The following KCNQ4 variants were observed in gnomAD, a reference collection of about 807,000 sequenced individuals.
KCNQ4 encodes potassium voltage-gated channel subfamily Q member 4.
KCNQ4 carries 31 observed loss-of-function variants against 72.6 expected under a neutral mutation model. The ratio of observed to expected loss-of-function variants is 0.43; its 90% CI spans 0.32 to 0.58. The LOEUF (loss-of-function observed/expected upper bound fraction) is 0.58, where lower values mean the gene tolerates loss of function less well. KCNQ4 is among the 20% of genes least tolerant of loss of function. The pLI is 0.08. For missense variants in KCNQ4, 869 were observed against 962.6 expected (o/e 0.90, Z 1.29); for synonymous variants, 405 against 403.7 (o/e 1.00, Z -0.04).
At chr1:40,800,903 G>T (rs748211366) in intron 1 of KCNQ4, among the ~76,000 whole-genome samples, 6 of 152,256 alleles carry the variant, frequency 3.9e-5, no homozygotes, top group Middle Eastern at 3.2e-3. Context: ...TGAGGTGGAA[G>T]AGAGACAGCC....
At chr1:40,811,222 A>G (rs4660467) in intron 1 of KCNQ4, among the ~76,000 whole-genome samples, 148,720 of 152,274 alleles carry the variant, frequency 0.98, 72,654 homozygotes, top group African/African-American at 0.99. Context: ...TCAGGTCACC[A>G]CATGAGAGCC....
intron 12 of KCNQ4, among the ~76,000 whole-genome samples, chr1:40,835,522 C>T (rs941120377): frequency 1.3e-5 from 2 of 152,222 alleles, no homozygotes; most frequent in African/African-American, 4.8e-5. Flanking sequence ...AGAATCCTCA[C>T]CCCAAGACCC....
In KCNQ4 at chr1:40,817,527, G is replaced by T. The variant is rs749739756; in HGVS notation, c.405+172G>T. On this transcript the variant is annotated intron_variant, in intron 2 of 13. Transcript: ENST00000347132. This position sits in a 1 kb window ranked among gnomAD's most constrained non-coding sequence, Gnocchi z 5.5. ...GGCTGGGAGTCCGGGACTGAGGGGGGCCGTGTGAGGTGGCACCTCTGGGCT... is the reference window on the plus strand; with the variant it reads ...GGCTGGGAGTCCGGGACTGAGGGGGTCCGTGTGAGGTGGCACCTCTGGGCT... 6.6e-6 allele frequency among the ~76,000 whole-genome samples: 1 copy of T among 152,086 alleles called. No individual in the cohort carries two copies. The highest frequency in any genetic ancestry group is 1.5e-5 in the Non-Finnish European group (1 of 68,012).
intron 8 of KCNQ4, 120 bp from the exon 9 acceptor site, chr1:40,823,977 C>A: frequency 1.7e-6 from 2 of 1,177,708 alleles, no homozygotes; most frequent in Non-Finnish European, 2.5e-6. Flanking sequence ...GCCGGGCTGT[C>A]AGTGAACACC....
intron 12 of KCNQ4, among the ~76,000 whole-genome samples, chr1:40,836,631 T>C (rs181910818): frequency 2.8e-4 from 42 of 152,082 alleles, no homozygotes; most frequent in African/African-American, 9.6e-4. Flanking sequence ...GTTGCAGAGA[T>C]AGAGGAGGAA....
chr1:40,799,593 C>T (rs1053383753), intron 1 of KCNQ4, among the ~76,000 whole-genome samples: 3 of 152,228 alleles, frequency 2.0e-5, no homozygotes, highest in South Asian at 2.1e-4. Flanking sequence ...GTCCAGCCCC[C>T]GGTCATGGCA....
intron 1 of KCNQ4, among the ~76,000 whole-genome samples, chr1:40,815,439 C>T (rs1648057618): frequency 6.6e-6 from 1 of 152,120 alleles, no homozygotes; most frequent in Admixed American, 6.5e-5. Context: ...GAGATAACCT[C>T]ATGAAGGACC....
chr1:40,798,430 C>T (rs1436019198), intron 1 of KCNQ4, among the ~76,000 whole-genome samples: 2 of 152,198 alleles, frequency 1.3e-5, no homozygotes, highest in Non-Finnish European at 2.9e-5. Flanking sequence ...TCCACAAAGC[C>T]GTTTTAGGCA....
At chr1:40,820,858 C>T (rs1373467445) in intron 7 of KCNQ4, among the ~76,000 whole-genome samples, 1 of 152,148 alleles carries the variant, frequency 6.6e-6, no homozygotes, top group Admixed American at 6.5e-5. Flanking sequence ...GGGCTGAGGC[C>T]AGGGCTCTGA....
chr1:40,784,498 C>T lies in KCNQ4; in HGVS notation c.314+91C>T, dbSNP rs1570793600. On this transcript the variant is annotated intron_variant, in intron 1 of 13. Coordinates refer to ENST00000347132, the MANE Select transcript of KCNQ4 (RefSeq NM_004700.4). The surrounding 1 kb of genome is among the most constrained non-coding windows in gnomAD (Gnocchi z 4.1). ...GCCCCGCCCTGGCTCCGCCTTCTAC[C>T]CCCCTGCCTCAGGGCCGACCCTCAT... 8.5e-6 allele frequency: 11 copies of T among 1,294,402 alleles called. No homozygotes were observed. The East Asian group carries it at 9.4e-5, about 11-fold the overall frequency. 80.2% of individuals were successfully genotyped at this position (1,294,402 alleles called of 1,614,324 possible).
At chr1:40,831,383 A>G in intron 10 of KCNQ4, 79 bp downstream of exon 10, 1 of 1,230,948 alleles carries the variant, frequency 8.1e-7, no homozygotes, top group Non-Finnish European at 1.2e-6. Flanking sequence ...TGGGAGCAGA[A>G]AGATCTGGCT....
At chr1:40,793,086 T>C (rs1647319866) in intron 1 of KCNQ4, among the ~76,000 whole-genome samples, 1 of 139,376 alleles carries the variant, frequency 7.2e-6, no homozygotes, top group Admixed American at 7.5e-5. Flanking sequence ...CACTGCAGAC[T>C]CAACCTCCTG....
At chr1:40,826,721 C>T (rs1285839405) in intron 9 of KCNQ4, 1 of 451,678 alleles carries the variant, frequency 2.2e-6, no homozygotes. Context: ...TCCTCCTGTC[C>T]CCACTCCTCC....
Position 40,819,307 on chromosome 1 carries a change from G to A in KCNQ4, c.709-40G>A, listed in dbSNP as rs770837031. ...GAAGCCCCCCACATCTCCCAGGCAG[G>A]CACAGCGCTCCTCACCGCGCCCCTC... On this transcript the variant is annotated intron_variant, in intron 4 of 13. Transcript: ENST00000347132. The A allele has an allele frequency of 5.6e-6, 9 of 1,612,592 alleles. No individual in the cohort carries two copies. The South Asian group carries it at 8.8e-5, about 16-fold the overall frequency.
chr1:40,832,981 G>T, intron 10 of KCNQ4, 33 bp from the exon 11 acceptor site: 1 of 1,512,256 alleles, frequency 6.6e-7, no homozygotes, highest in Non-Finnish European at 9.2e-7. Context: ...TGGCCCCTTT[G>T]GTGGGCCACT....
At position 40,786,283 on chromosome 1, in the gene KCNQ4, C is replaced by A. The variant is rs184701951; in HGVS notation, c.314+1876C>A. ...GGCTCTGAGGTGGGGTCCTTACCCC[C>A]CCAGGCTTGGCCTTACAGCCCCCAC... On this transcript the variant is annotated intron_variant, in intron 1 of 13. Coordinates refer to ENST00000347132, the MANE Select transcript of KCNQ4 (RefSeq NM_004700.4). 4.5e-3 allele frequency among the ~76,000 whole-genome samples: 689 copies of A among 152,332 alleles called. 5 individuals are homozygous for A. Among genetic ancestry groups the A allele is most frequent in the Non-Finnish European group, 5.6e-3 (381 of 68,018 alleles).
intron 1 of KCNQ4, among the ~76,000 whole-genome samples, chr1:40,812,278 A>G (rs1004336918): frequency 6.6e-6 from 1 of 152,102 alleles, no homozygotes; most frequent in Non-Finnish European, 1.5e-5. Flanking sequence ...TTTTTGAGAT[A>G]CAGAGTCTGG....
intron 12 of KCNQ4, among the ~76,000 whole-genome samples, chr1:40,837,186 C>T (rs1340357428): frequency 1.3e-5 from 2 of 151,862 alleles, no homozygotes; most frequent in Admixed American, 6.6e-5. Context: ...CTCTCCGGCT[C>T]AAGTGATCTT....
chr1:40,826,793 G>C (rs1370421661), intron 9 of KCNQ4: 1 of 383,570 alleles, frequency 2.6e-6, no homozygotes, highest in East Asian at 7.6e-5. Flanking sequence ...AGGTGCATGT[G>C]CCTGCCGCCT....
Sources: gnomAD v4.1 joint callset for allele counts (sites outside exome capture counted in the v4.1 genomes callset) on GRCh38, gnomAD v4.1.1 for gene constraint, Gnocchi (gnomAD v3.1) non-coding constraint, MANE v1.5 for transcripts, NCBI Gene and HGNC (gene_info 2026-07-23, HGNC 2026-07-21) for gene names.